Variants in ZFYVE28 observed in about 807,000 individuals in gnomAD.
ZFYVE28 encodes zinc finger FYVE-type containing 28.
A neutral mutation model predicts 82.1 loss-of-function variants in ZFYVE28; 40 were observed. The observed-to-expected ratio is 0.49, with a 90% CI of 0.38 to 0.63. The LOEUF is 0.63. ZFYVE28 is among the 30% of genes least tolerant of loss of function. The probability of loss-of-function intolerance (pLI) is 0.00; values close to 1 mark genes in which losing one functional copy is unlikely to be tolerated. For synonymous variants in ZFYVE28, 612 were observed against 546.1 expected (o/e 1.12, Z -1.68); for missense variants, 1,321 against 1,242.1 (o/e 1.06, Z -0.96).
rs1721454701 is a variant in ZFYVE28 at position 2,335,061 on chromosome 4, T to C, written c.701+644A>G. ...GGTGACCCCGCGCATCCTGCCTCGG[T>C]GGATTTCAGGCCTGAGCTTCCATGT... On this transcript the variant is annotated intron_variant, in intron 6 of 12. Transcript: ENST00000290974. This position sits in a 1 kb window ranked among gnomAD's most constrained non-coding sequence, Gnocchi z 5.8. 1.3e-5 allele frequency among the ~76,000 whole-genome samples: 2 copies of C among 150,958 alleles called. No homozygotes were observed. Among genetic ancestry groups the C allele is most frequent in the Admixed American group, 1.3e-4 (2 of 15,136 alleles).
intron 1 of ZFYVE28, among the ~76,000 whole-genome samples, chr4:2,386,354 G>A (rs1440220195): frequency 2.0e-5 from 3 of 152,112 alleles, no homozygotes; most frequent in Non-Finnish European, 4.4e-5. Flanking sequence ...GTGTGGTGGC[G>A]GGCACCTGTA....
At chr4:2,400,461 C>T (rs939113739) in intron 1 of ZFYVE28, among the ~76,000 whole-genome samples, 6 of 152,112 alleles carry the variant, frequency 3.9e-5, no homozygotes, top group African/African-American at 1.4e-4. Context: ...GCCCAGGTCC[C>T]GAGCCACCCC....
chr4:2,352,967 C>T (rs535911819), intron 2 of ZFYVE28, among the ~76,000 whole-genome samples: 84 of 152,330 alleles, frequency 5.5e-4, no homozygotes, highest in Non-Finnish European at 1.1e-3. Flanking sequence ...CAGCACCTGT[C>T]CCCTGGGCAG....
intron 7 of ZFYVE28, among the ~76,000 whole-genome samples, chr4:2,308,678 AGAAAGAAAG>A (rs1717019086): frequency 2.4e-5 from 1 of 41,682 alleles, no homozygotes; most frequent in African/African-American, 1.2e-4. Flanking sequence ...AGAAAGAAAG[AGAAAGAAAG>A]AAAAGAAAAG....
At chr4:2,347,705 G>C (rs1723795601) in intron 2 of ZFYVE28, among the ~76,000 whole-genome samples, 1 of 152,008 alleles carries the variant, frequency 6.6e-6, no homozygotes, top group African/African-American at 2.4e-5. Context: ...GAAATCAAAA[G>C]TATTGTGAAT....
intron 6 of ZFYVE28, among the ~76,000 whole-genome samples, chr4:2,329,827 A>C (rs565218742): frequency 2.6e-5 from 4 of 152,212 alleles, no homozygotes; most frequent in Non-Finnish European, 5.9e-5. Context: ...CCAATCCCTT[A>C]ATTCTGGATA....
intron 1 of ZFYVE28, among the ~76,000 whole-genome samples, chr4:2,367,576 T>G (rs753933291): frequency 1.3e-5 from 2 of 152,256 alleles, no homozygotes; most frequent in Non-Finnish European, 2.9e-5. Flanking sequence ...TGCTAAGAGC[T>G]CACAAGAACT....
chr4:2,368,575 A>G (rs140132188), intron 1 of ZFYVE28, among the ~76,000 whole-genome samples: 19 of 152,304 alleles, frequency 1.2e-4, no homozygotes, highest in African/African-American at 4.1e-4. Flanking sequence ...TTTCCTGTGC[A>G]TAGAATCATA....
chr4:2,281,148 A>G (rs1298427441), intron 8 of ZFYVE28, among the ~76,000 whole-genome samples: 3 of 152,164 alleles, frequency 2.0e-5, no homozygotes, highest in Non-Finnish European at 4.4e-5. Context: ...GTGGACAGAG[A>G]GAGCCAAGGG....
chr4:2,344,432 C>G (rs1723225800), intron 2 of ZFYVE28, among the ~76,000 whole-genome samples: 1 of 152,180 alleles, frequency 6.6e-6, no homozygotes, highest in South Asian at 2.1e-4. Flanking sequence ...GCAGTTAACT[C>G]TAGACTAAAC....
At chr4:2,390,890 G>A (rs541356954) in intron 1 of ZFYVE28, among the ~76,000 whole-genome samples, 18 of 152,362 alleles carry the variant, frequency 1.2e-4, no homozygotes, top group African/African-American at 2.9e-4. Context: ...GGGATGCCCC[G>A]GTTGAGGAAT....
chr4:2,290,273 A>C (rs1197995434), intron 8 of ZFYVE28, among the ~76,000 whole-genome samples: 2 of 152,170 alleles, frequency 1.3e-5, no homozygotes, highest in East Asian at 3.9e-4. Context: ...GTGTGACCAC[A>C]AGCCTGCCTG....
chr4:2,298,477 T>C lies in ZFYVE28; in HGVS notation c.2051+5812A>G, dbSNP rs1318277502. Among the ~76,000 whole-genome samples, 7 of 152,116 alleles carry C rather than the reference T, an allele frequency of 4.6e-5. 1 individual carries two copies. Among genetic ancestry groups the C allele is most frequent in the Admixed American group, 4.6e-4 (7 of 15,262 alleles). On this transcript the variant is annotated intron_variant, in intron 8 of 12. Transcript: ENST00000290974. ...TCCAGCGATTCCTCTAAAAGGGATA[T>C]CCCTCAGTGTCTGTCATCTGTCTGC...
At chr4:2,337,206 T>C (rs996850286) in intron 5 of ZFYVE28, among the ~76,000 whole-genome samples, 2 of 151,652 alleles carry the variant, frequency 1.3e-5, no homozygotes, top group Non-Finnish European at 2.9e-5. Context: ...CGGGCAGAGG[T>C]AAAGGCAGGG....
At chr4:2,307,139 T>C (rs2108825962) in intron 7 of ZFYVE28, 1 of 152,370 alleles carries the variant, frequency 6.6e-6, no homozygotes, top group South Asian at 2.1e-4. Flanking sequence ...TGGCTTTCCA[T>C]TGTTTTAGCC....
intron 4 of ZFYVE28, among the ~76,000 whole-genome samples, chr4:2,338,325 C>T (rs1388171876): frequency 3.3e-5 from 5 of 152,198 alleles, no homozygotes; most frequent in Non-Finnish European, 4.4e-5. Flanking sequence ...CAGTAGCTCA[C>T]GCCTGTAATC....
chr4:2,355,114 C>T (rs1424249845), intron 1 of ZFYVE28, among the ~76,000 whole-genome samples: 2 of 149,380 alleles, frequency 1.3e-5, no homozygotes, highest in African/African-American at 4.9e-5. Context: ...GTTCCCACTG[C>T]CCCAGGATGC....
At chr4:2,374,215 A>G (rs7665067) in intron 1 of ZFYVE28, among the ~76,000 whole-genome samples, 101,692 of 152,156 alleles carry the variant, frequency 0.67, 34,309 homozygotes, top group East Asian at 0.8. Context: ...TACACGGAAA[A>G]AACCAGAACC....
intron 8 of ZFYVE28, among the ~76,000 whole-genome samples, chr4:2,290,516 T>A (rs2108810626): frequency 6.6e-6 from 1 of 152,294 alleles, no homozygotes; most frequent in South Asian, 2.1e-4. Context: ...GATGCAACGC[T>A]GCTCACTGAT....
Sources: gnomAD v4.1 joint callset for allele counts (sites outside exome capture counted in the v4.1 genomes callset) on GRCh38, gnomAD v4.1.1 for gene constraint, Gnocchi (gnomAD v3.1) non-coding constraint, MANE v1.5 for transcripts, NCBI Gene and HGNC (gene_info 2026-07-23, HGNC 2026-07-21) for gene names.